The following ADAMTS3 variants were observed in gnomAD, a reference collection of about 807,000 sequenced individuals.
ADAMTS3 encodes the protein ADAM metallopeptidase with thrombospondin type 1 motif 3.
ADAMTS3 carries 73 observed loss-of-function variants against 129.0 expected under a neutral mutation model. The ratio of observed to expected loss-of-function variants is 0.57; its 90% CI spans 0.47 to 0.69. The LOEUF (loss-of-function observed/expected upper bound fraction) is 0.69. Among genes scored for constraint, ADAMTS3 ranks in the 30% least tolerant of loss-of-function variants. The pLI, the probability that ADAMTS3 is intolerant of heterozygous loss-of-function variation, is 0.00. For missense variants in ADAMTS3, 1,457 were observed against 1,514.5 expected, an observed-to-expected ratio of 0.96 and a Z score of 0.63; for synonymous variants, 477 against 510.8, an observed-to-expected ratio of 0.93 and a Z score of 0.89.
chr4:72,310,092 C>T (rs550899307), intron 14 of ADAMTS3, among the ~76,000 whole-genome samples: 1 of 152,070 alleles, frequency 6.6e-6, no homozygotes, highest in East Asian at 1.9e-4. Flanking sequence ...CATATTTAAA[C>T]CAATGGAAGG....
intron 4 of ADAMTS3, among the ~76,000 whole-genome samples, chr4:72,404,250 T>C (rs1246984604): frequency 6.6e-6 from 1 of 151,996 alleles, no homozygotes; most frequent in Non-Finnish European, 1.5e-5. Context: ...GGAAGCATCA[T>C]ACTATGGGAC....
chr4:72,387,529 A>C (rs1721479037), intron 4 of ADAMTS3, among the ~76,000 whole-genome samples: 1 of 152,186 alleles, frequency 6.6e-6, no homozygotes, highest in African/African-American at 2.4e-5. Context: ...TTTCCTAATT[A>C]AAAGGAGTCA....
chr4:72,284,178 G>T (rs1718437131), intron 21 of ADAMTS3, among the ~76,000 whole-genome samples: 1 of 151,966 alleles, frequency 6.6e-6, no homozygotes, highest in Non-Finnish European at 1.5e-5. Context: ...TCTTACAAAG[G>T]TATTCTCCAA....
intron 3 of ADAMTS3, among the ~76,000 whole-genome samples, chr4:72,506,458 T>C (rs1720161899): frequency 6.6e-6 from 1 of 152,190 alleles, no homozygotes; most frequent in Admixed American, 6.5e-5. Context: ...TGGTGACCCC[T>C]ACCCTGCTCC....
At chr4:72,544,028 T>A (rs1375134704) in intron 3 of ADAMTS3, among the ~76,000 whole-genome samples, 1 of 152,100 alleles carries the variant, frequency 6.6e-6, no homozygotes, top group Non-Finnish European at 1.5e-5. Context: ...AATTATATAT[T>A]ACTGTTTCTT....
chr4:72,458,368 A>G (rs1718679510), intron 3 of ADAMTS3, among the ~76,000 whole-genome samples: 1 of 151,552 alleles, frequency 6.6e-6, no homozygotes, highest in South Asian at 2.1e-4. Flanking sequence ...ATTAAAAAAA[A>G]AGTCCATGTC....
intron 3 of ADAMTS3, among the ~76,000 whole-genome samples, chr4:72,510,445 G>A (rs1085953): frequency 0.65 from 98,996 of 151,872 alleles, 32,866 homozygotes; most frequent in African/African-American, 0.79. Context: ...CAAAAATAAC[G>A]TATAAAAATT....
chr4:72,526,570 A>ATGTGTGTG (rs56774889), intron 3 of ADAMTS3, among the ~76,000 whole-genome samples: 37,308 of 131,578 alleles, frequency 0.28, 5,858 homozygotes, highest in East Asian at 0.36. Context: ...AATGAAATTT[A>ATGTGTGTG]TGTGTGTGTG....
intron 3 of ADAMTS3, among the ~76,000 whole-genome samples, chr4:72,425,503 G>C (rs1418414357): frequency 1.3e-5 from 2 of 151,964 alleles, no homozygotes; most frequent in Non-Finnish European, 2.9e-5. Context: ...CCCCACAACA[G>C]GTCCCGGTGT....
chr4:72,331,276 A>G (rs965986538), intron 5 of ADAMTS3, among the ~76,000 whole-genome samples: 35 of 152,020 alleles, frequency 2.3e-4, no homozygotes, highest in South Asian at 2.1e-4. Context: ...GCTTGATGCA[A>G]TCTGTCTCTG....
At chr4:72,308,353 G>A (rs1719142612) in intron 15 of ADAMTS3, among the ~76,000 whole-genome samples, 1 of 151,870 alleles carries the variant, frequency 6.6e-6, no homozygotes, top group African/African-American at 2.4e-5. Context: ...TAGGTATCAG[G>A]GGTATAATGG....
chr4:72,332,397 G>A (rs1719874085), intron 5 of ADAMTS3, among the ~76,000 whole-genome samples: 1 of 152,116 alleles, frequency 6.6e-6, no homozygotes, highest in African/African-American at 2.4e-5. Flanking sequence ...AGCCTGCCCT[G>A]TTCAGATAAC....
At position 72,479,012 on chromosome 4, in the gene ADAMTS3, A is replaced by AGG. The variant is rs1250640844; in HGVS notation, c.505-64042_505-64041insCC. Reference sequence around the variant, plus strand: ...GGACGTGAAGGACCTCCTCAAGGAGAACTACAAACCACTGCTCAACGAAAT... The same window carrying AGG: ...GGACGTGAAGGACCTCCTCAAGGAGAGGACTACAAACCACTGCTCAACGAAAT... On this transcript the variant is annotated intron_variant, in intron 3 of 21. Coordinates refer to ENST00000286657, the MANE Select transcript of ADAMTS3 (RefSeq NM_014243.3). Among the ~76,000 whole-genome samples, 398 of 152,272 alleles carry AGG rather than the reference A, an allele frequency of 2.6e-3. 3 individuals are homozygous for AGG. Among genetic ancestry groups the AGG allele is most frequent in the African/African-American group, 9.3e-3 (386 of 41,542 alleles).
At chr4:72,478,002 A>T (rs1297385979) in intron 3 of ADAMTS3, among the ~76,000 whole-genome samples, 1 of 152,214 alleles carries the variant, frequency 6.6e-6, no homozygotes, top group Non-Finnish European at 1.5e-5. Context: ...GAAGAAGTTG[A>T]ATCTCTGAAT....
rs370273050 is a variant in ADAMTS3, at chr4:72,445,001, CA to C, written c.505-30031del. ...AAATTGTCTAGTGTAGGCAAATCCACAGAGACAGAAAATAGATCAGTGGTTT... is the reference window on the plus strand; with the variant it reads ...AAATTGTCTAGTGTAGGCAAATCCACGAGACAGAAAATAGATCAGTGGTTT... On this transcript the variant is annotated intron_variant, in intron 3 of 21. Coordinates refer to ENST00000286657, the MANE Select transcript of ADAMTS3 (RefSeq NM_014243.3). 3.2e-3 allele frequency among the ~76,000 whole-genome samples: 492 copies of C among 151,596 alleles called. 1 individual carries two copies. Among genetic ancestry groups the C allele is most frequent in the Middle Eastern group, 0.01 (3 of 294 alleles).
chr4:72,421,958 A>G (rs1007152258), intron 3 of ADAMTS3, among the ~76,000 whole-genome samples: 9 of 152,224 alleles, frequency 5.9e-5, no homozygotes, highest in Non-Finnish European at 1.2e-4. Context: ...CCATTTAGGT[A>G]GTCATGCATT....
At chr4:72,531,068 A>G (rs1721029465) in intron 3 of ADAMTS3, among the ~76,000 whole-genome samples, 1 of 151,700 alleles carries the variant, frequency 6.6e-6, no homozygotes, top group African/African-American at 2.4e-5. Flanking sequence ...GAAGGGGGCA[A>G]TAATTGGCCG....
chr4:72,359,449 A>C (rs1720663745), intron 4 of ADAMTS3, among the ~76,000 whole-genome samples: 2 of 152,006 alleles, frequency 1.3e-5, no homozygotes, highest in Non-Finnish European at 2.9e-5. Context: ...TAATTAATGA[A>C]ATTATATGAG....
chr4:72,434,637 T>C (rs1466009863), intron 3 of ADAMTS3, among the ~76,000 whole-genome samples: 1 of 151,702 alleles, frequency 6.6e-6, no homozygotes, highest in African/African-American at 2.4e-5. Flanking sequence ...TATGATGAAA[T>C]GTCATGCCCA....
Sources: allele counts gnomAD v4.1 joint callset (sites outside exome capture counted in the v4.1 genomes callset), GRCh38; gene constraint gnomAD v4.1.1; transcripts MANE v1.5; gene names NCBI Gene and HGNC (gene_info 2026-07-23, HGNC 2026-07-21).